The following CCNT2 variants were observed in gnomAD, a reference collection of about 807,000 sequenced individuals.
CCNT2 encodes cyclin T2.
In CCNT2, 18 loss-of-function variants were observed where a neutral mutation model predicts 70.0. The ratio of observed to expected loss-of-function variants is 0.26; its 90% CI spans 0.18 to 0.38. The LOEUF (loss-of-function observed/expected upper bound fraction) is 0.38. Among genes scored for constraint, CCNT2 ranks in the 10% least tolerant of loss-of-function variants. CCNT2 has a pLI of 1.00. For synonymous variants in CCNT2, 334 were observed against 313.3 expected (o/e 1.07, Z -0.70); for missense variants, 734 against 890.2 (o/e 0.82, Z 2.23).
intron 7 of CCNT2, among the ~76,000 whole-genome samples, chr2:134,951,662 G>A (rs541381506): frequency 4.6e-5 from 7 of 152,182 alleles, no homozygotes; most frequent in South Asian, 2.1e-4. Flanking sequence ...TCAACATAGC[G>A]AGACCCTGTC....
intron 2 of CCNT2, among the ~76,000 whole-genome samples, chr2:134,930,015 T>TA (rs1445508014): frequency 6.6e-6 from 1 of 152,000 alleles, no homozygotes; most frequent in African/African-American, 2.4e-5. Context: ...ACAATTCATA[T>TA]ACCGTAAAAT....
chr2:134,954,909 T>A lies in CCNT2; in HGVS notation c.*261T>A. 2 of 365,044 alleles carry A rather than the reference T, an allele frequency of 5.5e-6. No individual in the cohort carries two copies. Among genetic ancestry groups the A allele is most frequent in the Non-Finnish European group, 9.9e-6 (2 of 201,442 alleles). 22.6% of individuals were successfully genotyped at this position (365,044 alleles called of 1,614,324 possible). ...TTTCTACAATTGCAGCTAAGAACAT[T>A]AGGATGAATGGCTGGCTGCTTCTAG... On this transcript the variant is annotated 3_prime_UTR_variant, in exon 9 of 9. Transcript: ENST00000264157.
chr2:134,951,979 A>G (rs759090185), intron 7 of CCNT2, among the ~76,000 whole-genome samples: 36 of 152,168 alleles, frequency 2.4e-4, no homozygotes, highest in Non-Finnish European at 3.5e-4. Context: ...AATAATGGTC[A>G]TTTTATACAG....
chr2:134,941,008 C>T (rs1459784505), intron 4 of CCNT2, among the ~76,000 whole-genome samples: 3 of 152,174 alleles, frequency 2.0e-5, no homozygotes, highest in Non-Finnish European at 4.4e-5. Flanking sequence ...AAAAACCTTG[C>T]ACTTTATCTC....
chr2:134,947,707 T>C, intron 6 of CCNT2, 29 bp from the exon 7 acceptor site: 6 of 1,395,280 alleles, frequency 4.3e-6, no homozygotes, highest in Non-Finnish European at 9.5e-7. Context: ...TTTTTATGGC[T>C]CTCCATTTTC....
At chr2:134,942,165 G>A (rs932806304) in intron 4 of CCNT2, among the ~76,000 whole-genome samples, 2 of 150,986 alleles carry the variant, frequency 1.3e-5, no homozygotes, top group Admixed American at 6.7e-5. Context: ...CTTTGATCTA[G>A]AGTGCCGTAT....
In CCNT2 at chr2:134,947,461, A is replaced by T. The variant is rs373309863; in HGVS notation, c.540-275A>T. On this transcript the variant is annotated intron_variant, in intron 6 of 8. Transcript: ENST00000264157. The stretch of plus-strand genomic sequence containing the variant: ...AAATATACTATCCTCCTCTCCTTTT[A>T]TAAAATACTTCAATTTTAGATGTAA... Among the ~76,000 whole-genome samples, 171 of 152,284 alleles carry T rather than the reference A, an allele frequency of 1.1e-3. 5 individuals carry two copies. The Middle Eastern group carries it at 0.038, about 34-fold the overall frequency.
In CCNT2 at chr2:134,928,274, C is replaced by CTTTTTTTTTTTTTTTTTTTTT. The variant is rs551173090; in HGVS notation, c.240+8402_240+8403insTTTTTTTTTTTTTTTTTTTTT. ...CCATGCCCGGCCTCACATTGTATTT[C>CTTTTTTTTTTTTTTTTTTTTT]TTTTTTTTTTTTTTTTTTTCTGAGA... On this transcript the variant is annotated intron_variant, in intron 2 of 8. Coordinates refer to ENST00000264157, the MANE Select transcript of CCNT2 (RefSeq NM_058241.3). Among the ~76,000 whole-genome samples, 71 of 96,384 alleles carry CTTTTTTTTTTTTTTTTTTTTT rather than the reference C, an allele frequency of 7.4e-4. 2 individuals carry two copies. Among genetic ancestry groups the CTTTTTTTTTTTTTTTTTTTTT allele is most frequent in the East Asian group, 6.3e-3 (20 of 3,160 alleles). The allele number at this position is 96,384 out of a possible 152,430, so 63.2% of individuals were successfully genotyped here. A position where few individuals can be genotyped will look rare whatever the true frequency, so the allele number is the denominator to read the frequency against.
rs1679605359 is a variant in CCNT2, at chr2:134,918,892, T to G, written c.38T>G (p.Phe13Cys). The change falls in exon 1 of 9, where the codon TTT becomes TGT. Residue 13 changes from phenylalanine to cysteine, a missense_variant. Physicochemically the swap from Phe to Cys is radical, Grantham distance 205. This residue lies in a region of CCNT2 where 41 missense variants were observed against 29.5 expected (regional missense o/e 1.39). Transcript: ENST00000264157. ...CGTGGAGCTTCTTCTCGCTGGTTCT[T>G]TACTCGGGAACAGCTGGAGAACACG... ...SGRGASSRWF[F>C]TREQLENTPS... 6.2e-7 allele frequency: 1 copy of G among 1,613,794 alleles called. No homozygotes were observed. The highest frequency in any genetic ancestry group is 1.3e-5 in the African/African-American group (1 of 74,932).
At chr2:134,925,194 T>A (rs1426615039) in intron 2 of CCNT2, among the ~76,000 whole-genome samples, 2 of 152,212 alleles carry the variant, frequency 1.3e-5, no homozygotes, top group South Asian at 2.1e-4. Flanking sequence ...TTGGTGATAC[T>A]CTAATTCTGT....
chr2:134,946,252 GA>G (rs1681958399), intron 6 of CCNT2, 106 bp downstream of exon 6: 1 of 1,367,884 alleles, frequency 7.3e-7, no homozygotes, highest in Non-Finnish European at 1.0e-6. Context: ...CAGGAGACTG[GA>G]CCATCTACTG....
rs1174040754 is a variant in CCNT2 at position 134,957,296 on chromosome 2, A to AT, written c.*2651dup. Reference sequence around the variant, plus strand: ...CATAAATAAACCAAAATAGTATCAAATTTAGGTATGAAATTCCACATGTGC... The same window carrying AT: ...CATAAATAAACCAAAATAGTATCAAATTTTAGGTATGAAATTCCACATGTGC... On this transcript the variant is annotated 3_prime_UTR_variant, in exon 9 of 9. Coordinates refer to ENST00000264157, the MANE Select transcript of CCNT2 (RefSeq NM_058241.3). 2 of 152,210 alleles carry AT rather than the reference A, an allele frequency of 1.3e-5. No individual in the cohort carries two copies. Among genetic ancestry groups the AT allele is most frequent in the Non-Finnish European group, 2.9e-5 (2 of 68,036 alleles). The allele number at this position is 152,210 out of a possible 1,614,324, so 9.4% of individuals were successfully genotyped here.
chr2:134,955,318 C>G lies in CCNT2; in HGVS notation c.*670C>G, dbSNP rs192617639. ...TGGAAGCCACTGATAGGGGACACTT[C>G]ACTACCAGATGTGTGCAGTGCAACA... On this transcript the variant is annotated 3_prime_UTR_variant, in exon 9 of 9. Transcript: ENST00000264157. The G allele has an allele frequency of 6.5e-6, 1 of 153,110 alleles. No individual in the cohort carries two copies. Among genetic ancestry groups the G allele is most frequent in the Admixed American group, 6.5e-5 (1 of 15,342 alleles). The allele number at this position is 153,110 out of a possible 1,614,324, so 9.5% of individuals were successfully genotyped here. A position where few individuals can be genotyped will look rare whatever the true frequency, so the allele number is the denominator to read the frequency against.
At chr2:134,953,104 C>T in intron 8 of CCNT2, 126 bp from the exon 9 acceptor site, 1 of 647,376 alleles carries the variant, frequency 1.5e-6, no homozygotes, top group Non-Finnish European at 2.5e-6. Context: ...AAATCTTGAA[C>T]CCCAGGTCAT....
intron 4 of CCNT2, 94 bp from the exon 5 acceptor site, chr2:134,942,518 C>T: frequency 1.5e-6 from 1 of 680,286 alleles, no homozygotes; most frequent in Non-Finnish European, 2.3e-6. Flanking sequence ...TTGGATTTTT[C>T]TTAATAATGA....
chr2:134,939,523 T>G (rs1468600230), intron 4 of CCNT2, among the ~76,000 whole-genome samples: 1 of 152,126 alleles, frequency 6.6e-6, no homozygotes, highest in Non-Finnish European at 1.5e-5. Flanking sequence ...TGGAGTGCAG[T>G]GGTGCCATCT....
At chr2:134,942,706 A>C (rs770707387) in intron 5 of CCNT2, 32 bp downstream of exon 5, 1 of 1,557,784 alleles carries the variant, frequency 6.4e-7, no homozygotes. Context: ...TAAGATAAGT[A>C]TTAATGCTTT....
At chr2:134,923,275 T>C (rs929406076) in intron 2 of CCNT2, among the ~76,000 whole-genome samples, 13 of 152,246 alleles carry the variant, frequency 8.5e-5, no homozygotes, top group Non-Finnish European at 1.0e-4. Flanking sequence ...AACGAGACTC[T>C]ATCTCAAAAA....
At chr2:134,945,670 G>A (rs938428730) in intron 5 of CCNT2, 102 of 1,232,868 alleles carry the variant, frequency 8.3e-5, no homozygotes, top group Non-Finnish European at 1.0e-4. Flanking sequence ...GTTTTTGATG[G>A]AAGTATTTAA....
Sources: gnomAD v4.1 joint callset for allele counts (sites outside exome capture counted in the v4.1 genomes callset) on GRCh38, gnomAD v4.1.1 for gene constraint, gnomAD v4.1.1 regional missense constraint, MANE v1.5 for transcripts, NCBI Gene and HGNC (gene_info 2026-07-23, HGNC 2026-07-21) for gene names.